Variants in NLGN1 observed in about 807,000 individuals in gnomAD.
The protein encoded by NLGN1 is neuroligin-1.
In NLGN1, 12 loss-of-function variants were observed where a neutral mutation model predicts 65.5. The ratio of observed to expected loss-of-function variants is 0.18; its 90% CI spans 0.12 to 0.30. NLGN1 has a LOEUF of 0.30. NLGN1 is among the 10% of genes least tolerant of loss of function. NLGN1 has a pLI of 1.00. For missense variants in NLGN1, 750 were observed against 1,007.1 expected, an observed-to-expected ratio of 0.74 and a Z score of 3.46; for synonymous variants, 350 against 359.5, an observed-to-expected ratio of 0.97 and a Z score of 0.30.
chr3:174,001,394 A>G (rs573757145), intron 4 of NLGN1, among the ~76,000 whole-genome samples: 1 of 152,198 alleles, frequency 6.6e-6, no homozygotes, highest in East Asian at 1.9e-4. Flanking sequence ...AGAAACATAA[A>G]CTCACCTTTA....
At chr3:173,406,345 T>C (rs1329696416) in intron 1 of NLGN1, among the ~76,000 whole-genome samples, 1 of 151,668 alleles carries the variant, frequency 6.6e-6, no homozygotes, top group East Asian at 1.9e-4. Flanking sequence ...AAAAGAATTA[T>C]CAGTAAGAAG....
At chr3:173,840,301 C>T (rs1273500253) in intron 4 of NLGN1, among the ~76,000 whole-genome samples, 1 of 152,048 alleles carries the variant, frequency 6.6e-6, no homozygotes, top group African/African-American at 2.4e-5. Context: ...TATGGACTAC[C>T]ATAAAATTAT....
At chr3:173,409,193 C>G (rs1460388012) in intron 1 of NLGN1, among the ~76,000 whole-genome samples, 1 of 152,026 alleles carries the variant, frequency 6.6e-6, no homozygotes, top group South Asian at 2.1e-4. Flanking sequence ...GTATAAAGAG[C>G]CATCTTTAAC....
At chr3:174,008,415 T>A (rs1363503220) in intron 4 of NLGN1, among the ~76,000 whole-genome samples, 5 of 136,846 alleles carry the variant, frequency 3.7e-5, no homozygotes, top group Admixed American at 2.5e-4. Context: ...GGAAAATACA[T>A]GAAAATTAAG....
chr3:173,714,559 C>T (rs1459754160), intron 3 of NLGN1, among the ~76,000 whole-genome samples: 2 of 152,074 alleles, frequency 1.3e-5, no homozygotes, highest in Non-Finnish European at 2.9e-5. Flanking sequence ...CCTGAAGCTG[C>T]TAGAGGTACA....
chr3:173,585,158 A>T (rs552029535), intron 2 of NLGN1: 1 of 152,310 alleles, frequency 6.6e-6, no homozygotes, highest in East Asian at 1.9e-4. Context: ...CACCTCGCGC[A>T]TCCCCGGGGG....
rs114178309 is a variant in NLGN1, at chr3:173,522,412, A to G, written c.-320-81867A>G. ...CTTTACTCTTGCAAATAGTGCTGCAATGAACATATGCATACAGGTGTTGTT... is the reference window on the plus strand; with the variant it reads ...CTTTACTCTTGCAAATAGTGCTGCAGTGAACATATGCATACAGGTGTTGTT... On this transcript the variant is annotated intron_variant, in intron 2 of 6. Coordinates refer to ENST00000457714, the Ensembl canonical transcript of NLGN1. 4.6e-3 allele frequency among the ~76,000 whole-genome samples: 703 copies of G among 152,286 alleles called. 2 individuals carry two copies. Among genetic ancestry groups the G allele is most frequent in the African/African-American group, 0.016 (653 of 41,560 alleles).
intron 3 of NLGN1, among the ~76,000 whole-genome samples, chr3:173,639,966 C>T (rs1457914710): frequency 6.6e-6 from 1 of 151,302 alleles, no homozygotes; most frequent in Non-Finnish European, 1.5e-5. Context: ...ATTTCTTTTC[C>T]CTTCTTTCCT....
chr3:173,871,030 A>G (rs1578898303), intron 4 of NLGN1, among the ~76,000 whole-genome samples: 1 of 152,188 alleles, frequency 6.6e-6, no homozygotes, highest in East Asian at 1.9e-4. Context: ...CAGCCCCACT[A>G]TCCGATTCTC....
chr3:173,987,326 G>A (rs1720165010), intron 4 of NLGN1, among the ~76,000 whole-genome samples: 1 of 152,096 alleles, frequency 6.6e-6, no homozygotes, highest in South Asian at 2.1e-4. Context: ...AATTCACTTT[G>A]GCTCTGTTAT....
At chr3:173,909,216 C>T (rs1388672479) in intron 4 of NLGN1, among the ~76,000 whole-genome samples, 1 of 151,874 alleles carries the variant, frequency 6.6e-6, no homozygotes, top group Admixed American at 6.6e-5. Context: ...GGGGGAGGTT[C>T]AGTTAAGATA....
chr3:173,641,583 G>C (rs1037425766), intron 3 of NLGN1, among the ~76,000 whole-genome samples: 1 of 152,206 alleles, frequency 6.6e-6, no homozygotes, highest in African/African-American at 2.4e-5. Flanking sequence ...GAGCCACTGT[G>C]CCTGGCCCAT....
At position 173,724,504 on chromosome 3, in the gene NLGN1, G is replaced by A. The variant is rs180983509; in HGVS notation, c.494-83176G>A. ...TTACGCAGGCTGGTCTGGAACTCCT[G>A]ACCATAGGTGATCTGCCCACCTCAG... is the stretch of plus-strand genomic sequence containing the variant. On this transcript the variant is annotated intron_variant, in intron 3 of 6. Coordinates refer to ENST00000457714, the Ensembl canonical transcript of NLGN1. The A allele has an allele frequency of 2.9e-3, 510 of 178,448 alleles. 1 individual carries two copies. The Middle Eastern group carries it at 0.031, about 11-fold the overall frequency. The allele number at this position is 178,448 out of a possible 1,614,324, so 11.1% of individuals were successfully genotyped here. A position where few individuals can be genotyped will look rare whatever the true frequency, so the allele number is the denominator to read the frequency against.
intron 4 of NLGN1, among the ~76,000 whole-genome samples, chr3:174,247,630 A>G (rs374730773): frequency 1.1e-3 from 165 of 152,300 alleles, no homozygotes; most frequent in Non-Finnish European, 2.1e-3. Flanking sequence ...GTAGTTGACA[A>G]CTGTCAGCTG....
At chr3:173,627,380 A>C (rs1306453272) in intron 3 of NLGN1, among the ~76,000 whole-genome samples, 1 of 151,900 alleles carries the variant, frequency 6.6e-6, no homozygotes, top group African/African-American at 2.4e-5. Context: ...AAATGACGGA[A>C]TTTCCTTCTT....
Position 174,166,456 on chromosome 3 carries a change from T to A in NLGN1, c.647-108859T>A, listed in dbSNP as rs368475880. Among the ~76,000 whole-genome samples, 14 of 151,872 alleles carry A rather than the reference T, an allele frequency of 9.2e-5. No individual in the cohort carries two copies. In the East Asian group the frequency reaches 1.6e-3, roughly 17 times the overall value. On this transcript the variant is annotated intron_variant, in intron 4 of 6. Transcript: ENST00000457714. Reference sequence around the variant, plus strand: ...TAATTTCATCGTTTACCCAAACGGATTAAGTTGTTTAATTTCCATATAATG... The same window carrying A: ...TAATTTCATCGTTTACCCAAACGGAATAAGTTGTTTAATTTCCATATAATG...
At chr3:173,556,093 A>G (rs780743234) in intron 2 of NLGN1, among the ~76,000 whole-genome samples, 10 of 152,126 alleles carry the variant, frequency 6.6e-5, no homozygotes, top group Non-Finnish European at 1.5e-4. Context: ...TAACGTCCCT[A>G]CTATTTACAA....
In NLGN1 at chr3:173,443,383, G is replaced by A. The variant is rs930118780; in HGVS notation, c.-321+8305G>A. Among the ~76,000 whole-genome samples, 3 of 149,536 alleles carry A rather than the reference G, an allele frequency of 2.0e-5. No homozygotes were observed. The South Asian group carries it at 6.3e-4, about 31-fold the overall frequency. ...AAAAGGATAAATTGAAGCTCTTTGT[G>A]ATTAAATTATTAATTTTTTGAAACT... On this transcript the variant is annotated intron_variant, in intron 2 of 6. Transcript: ENST00000457714.
intron 4 of NLGN1, among the ~76,000 whole-genome samples, chr3:173,876,614 C>G (rs554921072): frequency 9.9e-5 from 15 of 152,066 alleles, no homozygotes; most frequent in African/African-American, 3.6e-4. Flanking sequence ...TAAGATGAGC[C>G]TGGGGCATCT....
Sources: gnomAD v4.1 joint callset for allele counts (sites outside exome capture counted in the v4.1 genomes callset) on GRCh38, gnomAD v4.1.1 for gene constraint, MANE v1.5 for transcripts, NCBI Gene and HGNC (gene_info 2026-07-23, HGNC 2026-07-21) for gene names.